PBX1: variants seen among roughly 807,000 people sequenced by gnomAD.
PBX1 encodes the protein pre-B-cell leukemia transcription factor 1.
PBX1 carries 6 observed loss-of-function variants against 53.4 expected under a neutral mutation model. The ratio of observed to expected loss-of-function variants is 0.11; its 90% CI spans 0.06 to 0.22. The LOEUF is 0.22. Among genes scored for constraint, PBX1 ranks in the 10% least tolerant of loss-of-function variants. PBX1 has a pLI of 1.00. For synonymous variants in PBX1, 204 were observed against 212.3 expected (o/e 0.96, Z 0.34); for missense variants, 251 against 551.4 (o/e 0.46, Z 5.46).
intron 2 of PBX1, among the ~76,000 whole-genome samples, chr1:164,612,732 C>T (rs1317349952): frequency 6.6e-6 from 1 of 152,112 alleles, no homozygotes; most frequent in African/African-American, 2.4e-5. Flanking sequence ...TGATGGGGCT[C>T]CCACCTCTGT....
intron 4 of PBX1, among the ~76,000 whole-genome samples, chr1:164,805,830 ACT>A (rs1291706635): frequency 3.3e-5 from 5 of 152,072 alleles, no homozygotes; most frequent in African/African-American, 1.2e-4. Context: ...TGACCCAGAA[ACT>A]CAGCATGATT....
intron 4 of PBX1, among the ~76,000 whole-genome samples, chr1:164,802,251 G>A (rs923800426): frequency 2.0e-4 from 31 of 152,200 alleles, no homozygotes; most frequent in African/African-American, 7.5e-4. Context: ...TTATCGCACA[G>A]TTTCTGTTGG....
At chr1:164,796,778 G>A (rs1369036373) in intron 3 of PBX1, among the ~76,000 whole-genome samples, 1 of 152,196 alleles carries the variant, frequency 6.6e-6, no homozygotes, top group Non-Finnish European at 1.5e-5. Context: ...CTCCCAGAAA[G>A]TAACTATTGT....
At chr1:164,567,327 CA>C (rs1417378752) in intron 2 of PBX1, among the ~76,000 whole-genome samples, 4 of 152,146 alleles carry the variant, frequency 2.6e-5, no homozygotes, top group African/African-American at 7.2e-5. Flanking sequence ...AGCCTCTGAT[CA>C]GATTCCTTTT....
chr1:164,778,806 G>C (rs1667793587), intron 2 of PBX1, among the ~76,000 whole-genome samples: 1 of 152,158 alleles, frequency 6.6e-6, no homozygotes, highest in Non-Finnish European at 1.5e-5. Flanking sequence ...TCTGCCAGCT[G>C]CTACTTGGGG....
intron 2 of PBX1, among the ~76,000 whole-genome samples, chr1:164,617,649 G>T (rs1037945364): frequency 6.6e-6 from 1 of 152,148 alleles, no homozygotes; most frequent in African/African-American, 2.4e-5. Flanking sequence ...AGCATTTTCA[G>T]AATTTATTTG....
chr1:164,584,512 C>T (rs1043623682), intron 2 of PBX1, among the ~76,000 whole-genome samples: 5 of 152,200 alleles, frequency 3.3e-5, no homozygotes, highest in Admixed American at 6.5e-5. Flanking sequence ...TATTGGATCA[C>T]TCCAGTTAAG....
intron 2 of PBX1, among the ~76,000 whole-genome samples, chr1:164,607,802 C>G (rs1420891946): frequency 6.6e-6 from 1 of 152,136 alleles, no homozygotes; most frequent in African/African-American, 2.4e-5. Flanking sequence ...AGAGAAAAAT[C>G]TGGAGGGAGT....
chr1:164,620,942 C>G, intron 2 of PBX1, among the ~76,000 whole-genome samples: 1 of 152,102 alleles, frequency 6.6e-6, no homozygotes, highest in East Asian at 1.9e-4. Context: ...CTCAGCCTCC[C>G]AAAGTGCTGG....
At chr1:164,810,888 T>G (rs1669575903) in intron 5 of PBX1, among the ~76,000 whole-genome samples, 1 of 152,176 alleles carries the variant, frequency 6.6e-6, no homozygotes, top group Non-Finnish European at 1.5e-5. Flanking sequence ...GGCTTGGCAT[T>G]TCTGCTGTAG....
chr1:164,703,683 G>C (rs1045292783), intron 2 of PBX1, among the ~76,000 whole-genome samples: 1 of 152,216 alleles, frequency 6.6e-6, no homozygotes, highest in African/African-American at 2.4e-5. Flanking sequence ...ATCAGAATAT[G>C]AGAAACTCTG....
intron 2 of PBX1, among the ~76,000 whole-genome samples, chr1:164,714,412 A>G (rs896775653): frequency 6.6e-6 from 1 of 152,234 alleles, no homozygotes; most frequent in Admixed American, 6.5e-5. Context: ...ACAGGGAGCA[A>G]TGTAGTTCTT....
At position 164,849,404 on chromosome 1, in the gene PBX1, A is replaced by T. The variant is rs1671722384; in HGVS notation, c.*2728A>T. On this transcript the variant is annotated 3_prime_UTR_variant, in exon 9 of 9. Transcript: ENST00000420696. ...CGACTTCCAACGTGGCATCCGTGAGATCTGTCCACATTAGGCGAAGCAGGA... is the reference window on the plus strand; with the variant it reads ...CGACTTCCAACGTGGCATCCGTGAGTTCTGTCCACATTAGGCGAAGCAGGA... 1 of 1,535,608 alleles carries T rather than the reference A, an allele frequency of 6.5e-7. No individual in the cohort carries two copies. Among genetic ancestry groups the T allele is most frequent in the South Asian group, 1.2e-5 (1 of 84,054 alleles).
At chr1:164,602,712 A>G (rs897707642) in intron 2 of PBX1, among the ~76,000 whole-genome samples, 1 of 151,780 alleles carries the variant, frequency 6.6e-6, no homozygotes, top group African/African-American at 2.4e-5. Context: ...ACAGATTGAA[A>G]AAAAAAAAAA....
At chr1:164,623,612 G>A (rs144297999) in intron 2 of PBX1, among the ~76,000 whole-genome samples, 6 of 152,120 alleles carry the variant, frequency 3.9e-5, no homozygotes, top group South Asian at 4.2e-4. Flanking sequence ...CCTTTTCCTC[G>A]TGCCTTGCAT....
At chr1:164,759,633 GC>G (rs1021937647) in intron 2 of PBX1, among the ~76,000 whole-genome samples, 3 of 152,176 alleles carry the variant, frequency 2.0e-5, no homozygotes, top group Non-Finnish European at 4.4e-5. Flanking sequence ...CCAATTTGGG[GC>G]CAACCAGCCT....
At chr1:164,789,813 G>A (rs1332730670) in intron 2 of PBX1, among the ~76,000 whole-genome samples, 2 of 152,190 alleles carry the variant, frequency 1.3e-5, no homozygotes, top group African/African-American at 4.8e-5. Context: ...GAATGTTCCT[G>A]CCAGCCGTGG....
Position 164,822,715 on chromosome 1 carries a change from TG to T in PBX1, c.1200+1094del, listed in dbSNP as rs535647550. Among the ~76,000 whole-genome samples, 20 of 152,204 alleles carry T rather than the reference TG, an allele frequency of 1.3e-4. No individual in the cohort carries two copies. The East Asian group carries it at 3.7e-3, about 28-fold the overall frequency. ...TTCTTACCTCATAAAAGAGAAAATT[TG>T]GGGGTTACATAGTAGTGTAAGGCAT... On this transcript the variant is annotated intron_variant, in intron 8 of 8. Transcript: ENST00000420696.
chr1:164,860,902 A>T (rs1481311956), intron 2 of PBX1, among the ~76,000 whole-genome samples: 1 of 152,138 alleles, frequency 6.6e-6, no homozygotes, highest in African/African-American at 2.4e-5. Flanking sequence ...GAAAGGGAAT[A>T]AAACAGTGAA....
Sources: allele counts gnomAD v4.1 joint callset (sites outside exome capture counted in the v4.1 genomes callset), GRCh38; gene constraint gnomAD v4.1.1; transcripts MANE v1.5; gene names NCBI Gene and HGNC (gene_info 2026-07-23, HGNC 2026-07-21).